ATP2B1: variants seen among roughly 807,000 people sequenced by gnomAD.
ATP2B1 encodes plasma membrane calcium-transporting ATPase 1.
In ATP2B1, 14 loss-of-function variants were observed where a neutral mutation model predicts 124.2. The ratio of observed to expected loss-of-function variants is 0.11; its 90% CI spans 0.07 to 0.18. The LOEUF is 0.18. ATP2B1 is among the 10% of genes least tolerant of loss of function. The pLI, the probability that ATP2B1 is intolerant of heterozygous loss-of-function variation, is 1.00. For missense variants in ATP2B1, 763 were observed against 1,466.1 expected (o/e 0.52, Z 7.83); for synonymous variants, 449 against 492.4 (o/e 0.91, Z 1.17).
chr12:89,643,322 C>A (rs1450100964), intron 2 of ATP2B1, among the ~76,000 whole-genome samples: 1 of 151,840 alleles, frequency 6.6e-6, no homozygotes, highest in African/African-American at 2.4e-5. Flanking sequence ...TTAGTTATTG[C>A]ACCCTGGACA....
intron 15 of ATP2B1, among the ~76,000 whole-genome samples, chr12:89,607,795 G>C (rs2135977709): frequency 6.6e-6 from 1 of 152,238 alleles, no homozygotes. Flanking sequence ...GAAAAAGTCT[G>C]CACATGTTCA....
intron 12 of ATP2B1, among the ~76,000 whole-genome samples, chr12:89,614,980 A>G (rs947197285): frequency 6.6e-6 from 1 of 152,182 alleles, no homozygotes; most frequent in African/African-American, 2.4e-5. Context: ...ATAGTATTTT[A>G]ACAACATAAA....
At chr12:89,629,991 T>C (rs115302885) in intron 6 of ATP2B1, among the ~76,000 whole-genome samples, 2,507 of 152,292 alleles carry the variant, frequency 0.016, 66 homozygotes, top group African/African-American at 0.058. Flanking sequence ...GGACAGTAGA[T>C]ACAATGGATC....
intron 1 of ATP2B1, among the ~76,000 whole-genome samples, chr12:89,682,385 C>G (rs958845310): frequency 6.6e-6 from 1 of 152,034 alleles, no homozygotes; most frequent in Non-Finnish European, 1.5e-5. Flanking sequence ...GGAAACGAAA[C>G]ATGCAAAAAT....
At chr12:89,697,037 G>A (rs1593005763) in intron 1 of ATP2B1, among the ~76,000 whole-genome samples, 1 of 137,936 alleles carries the variant, frequency 7.2e-6, no homozygotes, top group African/African-American at 2.7e-5. Context: ...AGAAATGACT[G>A]CTGTTTTCCC....
intron 15 of ATP2B1, among the ~76,000 whole-genome samples, chr12:89,609,338 C>A (rs1877560636): frequency 1.3e-5 from 2 of 152,064 alleles, no homozygotes; most frequent in Admixed American, 1.3e-4. Context: ...GAGTCTGCTG[C>A]AAAATTTAGG....
intron 5 of ATP2B1, among the ~76,000 whole-genome samples, chr12:89,633,258 A>G (rs1022461587): frequency 6.6e-6 from 1 of 152,056 alleles, no homozygotes; most frequent in African/African-American, 2.4e-5. Flanking sequence ...ACCAATACAA[A>G]GAAAAATCCA....
chr12:89,616,987 C>T lies in ATP2B1; in HGVS notation c.1882G>A (p.Asp628Asn), dbSNP rs1166579855. The change falls in exon 12 of 21, where the codon GAC (aspartate) becomes AAC (asparagine). Residue 628 changes from aspartate (D) to asparagine (N), a missense_variant. Asp to Asn is a conservative substitution (Grantham distance 23, BLOSUM62 1). Transcript: ENST00000428670. ...NGEAKVFRPR[D>N]RDDIVKTVIE... ...ACAGTTTTTACAATATCATCACGGTCCCTTGGTCTGAATACTTTTGCCTCA... is the reference window on the plus strand; with the variant it reads ...ACAGTTTTTACAATATCATCACGGTTCCTTGGTCTGAATACTTTTGCCTCA... The T allele has an allele frequency of 6.2e-7, 1 of 1,614,030 alleles. No homozygotes were observed. Among genetic ancestry groups the T allele is most frequent in the East Asian group, 2.2e-5 (1 of 44,878 alleles).
intron 2 of ATP2B1, among the ~76,000 whole-genome samples, chr12:89,644,908 A>G (rs1345997406): frequency 6.6e-6 from 1 of 152,250 alleles, no homozygotes; most frequent in Non-Finnish European, 1.5e-5. Context: ...AGCTAAAGAT[A>G]GCTTTAAAAC....
chr12:89,678,151 T>A (rs186665148), intron 1 of ATP2B1, among the ~76,000 whole-genome samples: 2 of 151,868 alleles, frequency 1.3e-5, no homozygotes, highest in Admixed American at 1.3e-4. Context: ...GAAGATAAAA[T>A]GACTGGTGAC....
rs1192612429 is a variant in ATP2B1, at chr12:89,591,169, G to C, written c.3478C>G (p.Pro1160Ala). ...FRIEDSEPHI[P>A]LIDDTDAEDD... ...TCGGCATCAGTGTCATCAATAAGGG[G>C]GATATGAGGCTCTGAATCTTCTATC... Residue 1160 changes from proline (P) to alanine (A), a missense_variant, in exon 21 of 21, where the codon CCC (proline) becomes GCC (alanine). By Grantham distance (27) the Pro-to-Ala change is conservative. Coordinates refer to ENST00000428670, the MANE Select transcript of ATP2B1 (RefSeq NM_001366521.1). 2 of 1,613,066 alleles carry C rather than the reference G, an allele frequency of 1.2e-6. No homozygotes were observed. Among genetic ancestry groups the C allele is most frequent in the Non-Finnish European group, 1.7e-6 (2 of 1,179,372 alleles).
At position 89,624,292 on chromosome 12, in the gene ATP2B1, T is replaced by C. The variant is rs2136106571; in HGVS notation, c.1235A>G (p.Tyr412Cys). Residue 412 changes from tyrosine (Y) to cysteine (C), a missense_variant, in exon 9 of 21, where the codon TAT (tyrosine) becomes TGT (cysteine). Tyr to Cys is a radical substitution (Grantham distance 194). Coordinates refer to ENST00000428670, the MANE Select transcript of ATP2B1 (RefSeq NM_001366521.1). ...GAAGAACTTCACAAAGTATTGTATA[T>C]AAATTGGTGTGCACTCAGCAAGCCA... Reference protein sequence around the residue: ...RPWLAECTPIYIQYFVKFFII... With the variant: ...RPWLAECTPICIQYFVKFFII... 2.5e-6 allele frequency: 4 copies of C among 1,614,164 alleles called. No individual in the cohort carries two copies. Among genetic ancestry groups the C allele is most frequent in the Non-Finnish European group, 3.4e-6 (4 of 1,180,012 alleles).
chr12:89,632,263 T>C (rs775713172), intron 5 of ATP2B1, among the ~76,000 whole-genome samples: 1 of 152,212 alleles, frequency 6.6e-6, no homozygotes, highest in Non-Finnish European at 1.5e-5. Context: ...CAAGGATTAT[T>C]TGCTAAGTAC....
chr12:89,591,383 C>G, intron 20 of ATP2B1, 88 bp from the exon 21 acceptor site: 1 of 1,166,278 alleles, frequency 8.6e-7, no homozygotes, highest in Admixed American at 2.4e-5. Flanking sequence ...CCACAAACAG[C>G]TAGGTATGAG....
chr12:89,635,249 A>C lies in ATP2B1; in HGVS notation c.409T>G (p.Cys137Gly). The change falls in exon 4 of 21, where the codon TGT becomes GGT. Residue 137 changes from cysteine to glycine, a missense_variant and splice_region_variant. Cys to Gly is a radical substitution (Grantham distance 159, BLOSUM62 -3). Around this residue, in one of 7 missense-constraint regions of ATP2B1, gnomAD observed 392 missense variants for 776.6 expected, o/e 0.50. Transcript: ENST00000428670. ...TCCTCCCCAACAGAAACTTCTCCAC[A>C]AACTATTTGGAAAGAAAGAAAATGC... ...YQPPEGDNALCGEVSVGEEEG... is the reference protein window; with the variant it reads ...YQPPEGDNALGGEVSVGEEEG... The C allele has an allele frequency of 6.2e-7, 1 of 1,609,982 alleles. No individual in the cohort carries two copies. The highest frequency in any genetic ancestry group is 1.7e-4 in the Middle Eastern group (1 of 6,046).
At chr12:89,677,532 T>C (rs1461377410) in intron 1 of ATP2B1, among the ~76,000 whole-genome samples, 1 of 152,100 alleles carries the variant, frequency 6.6e-6, no homozygotes, top group African/African-American at 2.4e-5. Context: ...CAACTGAAAA[T>C]GCCACAGAAC....
intron 1 of ATP2B1, among the ~76,000 whole-genome samples, chr12:89,692,531 GA>G (rs1287006485): frequency 6.6e-6 from 1 of 152,128 alleles, no homozygotes; most frequent in Non-Finnish European, 1.5e-5. Context: ...GCAGATCAGA[GA>G]AATGAATTAA....
At chr12:89,699,115 G>GAAA in intron 1 of ATP2B1, among the ~76,000 whole-genome samples, 1 of 152,204 alleles carries the variant, frequency 6.6e-6, no homozygotes, top group Middle Eastern at 3.4e-3. Flanking sequence ...TCCCAGCTTT[G>GAAA]AGCTCTCAGG....
chr12:89,637,794 A>T (rs1882927116), intron 3 of ATP2B1, among the ~76,000 whole-genome samples: 1 of 152,196 alleles, frequency 6.6e-6, no homozygotes, highest in African/African-American at 2.4e-5. Flanking sequence ...ATTTGGAGGT[A>T]TGTGCTCATT....
Sources: gnomAD v4.1 joint callset for allele counts (sites outside exome capture counted in the v4.1 genomes callset) on GRCh38, gnomAD v4.1.1 for gene constraint, gnomAD v4.1.1 regional missense constraint, MANE v1.5 for transcripts, NCBI Gene and HGNC (gene_info 2026-07-23, HGNC 2026-07-21) for gene names.